The following PLXNA1 variants were observed in gnomAD, a reference collection of about 807,000 sequenced individuals.
PLXNA1 encodes the protein plexin A1.
PLXNA1 carries 77 observed loss-of-function variants against 191.7 expected under a neutral mutation model. That is an observed-to-expected ratio of 0.40 (90% confidence interval 0.33 to 0.49). The LOEUF (loss-of-function observed/expected upper bound fraction) is 0.49, where lower values mean the gene tolerates loss of function less well. Ranked by LOEUF, PLXNA1 falls within the 20% of genes least tolerant of loss-of-function variation. The pLI, the probability that PLXNA1 is intolerant of heterozygous loss-of-function variation, is 0.63. For missense variants in PLXNA1, 2,110 were observed against 2,660.2 expected, an observed-to-expected ratio of 0.79 and a Z score of 4.55; for synonymous variants, 1,137 against 1,156.4, an observed-to-expected ratio of 0.98 and a Z score of 0.34.
At chr3:127,025,872 A>C (rs745564747) in intron 23 of PLXNA1, among the ~76,000 whole-genome samples, 32 of 152,266 alleles carry the variant, frequency 2.1e-4, no homozygotes, top group Non-Finnish European at 4.1e-4. Flanking sequence ...CTTTGAGAAC[A>C]CAAACTCTTT....
At chr3:127,033,712 G>A (rs1255356938) in intron 31 of PLXNA1, among the ~76,000 whole-genome samples, 1 of 152,142 alleles carries the variant, frequency 6.6e-6, no homozygotes, top group Non-Finnish European at 1.5e-5. Context: ...AGAGCCTGCT[G>A]TTTTAGGGGG....
chr3:127,018,254 A>G, intron 19 of PLXNA1, 40 bp from the exon 20 acceptor site: 1 of 1,523,322 alleles, frequency 6.6e-7, no homozygotes, highest in Non-Finnish European at 8.9e-7. Flanking sequence ...GCTTTGTGGA[A>G]AGCATGGGAA....
In PLXNA1 at chr3:127,029,914, C is replaced by G. The variant is rs1456183752; in HGVS notation, c.4911C>G (p.Arg1637=). ...LRTASSPDSL[R]SRTPMITPDL... is the part of the protein sequence containing the mutation. The stretch of plus-strand genomic sequence containing the variant: ...CGGCCAGCAGCCCCGACAGCCTGCG[C>G]TCGCGCACGCCCATGATCACGCCCG... Residue 1637 remains arginine (R), a synonymous_variant, in exon 28 of 32, where the codon CGC becomes CGG. Transcript: ENST00000393409. 1 of 1,613,034 alleles carries G rather than the reference C, an allele frequency of 6.2e-7. No individual in the cohort carries two copies. Among genetic ancestry groups the G allele is most frequent in the Admixed American group, 1.7e-5 (1 of 60,006 alleles).
Position 127,027,846 on chromosome 3 carries a change from C to G in PLXNA1, c.4363-94C>G, listed in dbSNP as rs575651284. The G allele has an allele frequency of 5.2e-6, 8 of 1,545,134 alleles. No individual in the cohort carries two copies. The African/African-American group carries it at 9.5e-5, about 18-fold the overall frequency. ...GGAAGTGCTGCTCATTTCTCCTTGC[C>G]AGGAACACCATGGCTGGCACTCGAC... On this transcript the variant is annotated intron_variant, in intron 23 of 31. Transcript: ENST00000393409.
chr3:126,991,721 G>C (rs967154241), intron 3 of PLXNA1, among the ~76,000 whole-genome samples, 155 bp downstream of exon 3: 3 of 152,156 alleles, frequency 2.0e-5, no homozygotes, highest in African/African-American at 7.2e-5. Flanking sequence ...ACTAGGCCCA[G>C]TGACCTTGAA....
At chr3:126,996,788 A>G (rs981416108) in intron 3 of PLXNA1, among the ~76,000 whole-genome samples, 6 of 152,182 alleles carry the variant, frequency 3.9e-5, no homozygotes, top group Admixed American at 3.3e-4. Context: ...TCCCAGGTAC[A>G]GCCTGTGCTG....
At position 126,991,460 on chromosome 3, in the gene PLXNA1, C is replaced by T. The variant is rs539036594; in HGVS notation, c.1271C>T (p.Thr424Met). 47 of 1,612,790 alleles carry T rather than the reference C, an allele frequency of 2.9e-5. 1 individual carries two copies. In the African/African-American group the frequency reaches 4.3e-4, roughly 15 times the overall value. The change falls in exon 3 of 32, where the codon ACG (threonine) becomes ATG (methionine). Residue 424 changes from threonine (T) to methionine (M), a missense_variant. Physicochemically the swap from Thr to Met is moderately conservative, Grantham distance 81. Around this residue, in one of 4 missense-constraint regions of PLXNA1, gnomAD observed 903 missense variants for 1,015.7 expected, o/e 0.89. Transcript: ENST00000393409. Reference sequence around the variant, plus strand: ...GGGGGCACAGTCACCATTGAGGGGACGCCCCTGTTCGTGGACAAGGATGAT... The same window carrying T: ...GGGGGCACAGTCACCATTGAGGGGATGCCCCTGTTCGTGGACAAGGATGAT... Reference protein sequence around the residue: ...PLGGTVTIEGTPLFVDKDDGL... With the variant: ...PLGGTVTIEGMPLFVDKDDGL...
At chr3:127,025,163 C>T (rs377146345) in intron 23 of PLXNA1, among the ~76,000 whole-genome samples, 30 of 152,096 alleles carry the variant, frequency 2.0e-4, no homozygotes, top group East Asian at 1.5e-3. Flanking sequence ...GCCATGTATC[C>T]ACCGTTATAG....
At position 127,005,222 on chromosome 3, in the gene PLXNA1, G is replaced by A. The variant is rs1330169639; in HGVS notation, c.1876G>A (p.Ala626Thr). 1.2e-6 allele frequency: 2 copies of A among 1,610,196 alleles called. No homozygotes were observed. The highest frequency in any genetic ancestry group is 2.7e-5 in the African/African-American group (2 of 74,900). The change falls in exon 7 of 32, where the codon GCG becomes ACG. Residue 626 changes from alanine to threonine, a missense_variant. Around this residue, in one of 4 missense-constraint regions of PLXNA1, gnomAD observed 903 missense variants for 1,015.7 expected, o/e 0.89. Coordinates refer to ENST00000393409, the MANE Select transcript of PLXNA1 (RefSeq NM_032242.4). ...CCGCTCACCCTCCGCCCGGGAGGTG[G>A]CGCCCATCACGCGGGGCCAGGGTGA... ...HCRSPSAREV[A>T]PITRGQGDQR...
intron 23 of PLXNA1, 57 bp from the exon 24 acceptor site, chr3:127,027,883 C>A: frequency 6.2e-7 from 1 of 1,607,242 alleles, no homozygotes. Context: ...GGTGGAGGGG[C>A]AGGTTGGGGG....
intron 23 of PLXNA1, chr3:127,027,655 C>T (rs140371089): frequency 1.6e-5 from 9 of 572,790 alleles, no homozygotes; most frequent in Non-Finnish European, 2.3e-5. Context: ...GCAGGTCCCG[C>T]GTGCCACGCC....
chr3:126,993,607 G>T (rs1023254435), intron 3 of PLXNA1, among the ~76,000 whole-genome samples: 1 of 152,140 alleles, frequency 6.6e-6, no homozygotes, highest in Non-Finnish European at 1.5e-5. Context: ...CCTGGGTACC[G>T]CCTCCCTCCA....
chr3:127,004,537 A>G (rs2107627107), intron 4 of PLXNA1, 74 bp from the exon 5 acceptor site: 1 of 997,136 alleles, frequency 1.0e-6, no homozygotes, highest in Non-Finnish European at 1.6e-6. Context: ...AGAGCAGAGT[A>G]GGGAGTCAGA....
chr3:127,014,210 CGA>C lies in PLXNA1; in HGVS notation c.2443_2444del (p.Ser815LeufsTer108). On this transcript the variant is annotated frameshift_variant, in exon 12 of 32. Coordinates refer to ENST00000393409, the MANE Select transcript of PLXNA1 (RefSeq NM_032242.4). LOFTEE classifies it high-confidence loss of function. ...AHLYKCPALR[E>X]SCGLCLKADP... ...ACCTCTACAAGTGCCCGGCCCTGCGCGAGAGCTGCGGCCTCTGCCTCAAGGCC... is the reference window on the plus strand; with the variant it reads ...ACCTCTACAAGTGCCCGGCCCTGCGCGAGCTGCGGCCTCTGCCTCAAGGCC... 6.2e-7 allele frequency: 1 copy of C among 1,607,796 alleles called. No individual in the cohort carries two copies. The highest frequency in any genetic ancestry group is 8.5e-7 in the Non-Finnish European group (1 of 1,176,656).
chr3:127,027,700 A>G, intron 23 of PLXNA1: 2 of 675,724 alleles, frequency 3.0e-6, no homozygotes, highest in Middle Eastern at 2.4e-4. Flanking sequence ...CTCCTGGCTC[A>G]TGTGTAATTT....
chr3:126,989,590 G>A lies in PLXNA1; in HGVS notation c.997G>A (p.Asp333Asn). The change falls in exon 2 of 32, where the codon GAC becomes AAC. Residue 333 changes from aspartate (D) to asparagine (N), a missense_variant. Asp to Asn is a conservative substitution (Grantham distance 23). Coordinates refer to ENST00000393409, the MANE Select transcript of PLXNA1 (RefSeq NM_032242.4). ...GGCCCACCAGCTGGGCCTGGCTGAG[G>A]ACGAGGACGTGCTGTTCACTGTGTT... ...ALAHQLGLAE[D>N]EDVLFTVFAQ... 1 of 1,613,254 alleles carries A rather than the reference G, an allele frequency of 6.2e-7. No individual in the cohort carries two copies. The highest frequency in any genetic ancestry group is 8.5e-7 in the Non-Finnish European group (1 of 1,180,030).
In PLXNA1 at chr3:126,988,692, A is replaced by G; in HGVS notation, c.99A>G (p.Ala33=). ...GGGCTGAGGCAGGCTTGCCCAGGGC[A>G]GGCGGGGGTTCACAGCCCCCCTTCC... ...GMWAEAGLPR[A]GGGSQPPFRT... Residue 33 remains alanine (A), a synonymous_variant, in exon 2 of 32, where the codon GCA becomes GCG. Coordinates refer to ENST00000393409, the MANE Select transcript of PLXNA1 (RefSeq NM_032242.4). 15 of 1,574,184 alleles carry G rather than the reference A, an allele frequency of 9.5e-6. No individual in the cohort carries two copies. Among genetic ancestry groups the G allele is most frequent in the Non-Finnish European group, 1.3e-5 (15 of 1,158,394 alleles).
chr3:127,015,082 T>G (rs1322755600), intron 14 of PLXNA1, 102 bp from the exon 15 acceptor site: 1 of 1,491,764 alleles, frequency 6.7e-7, no homozygotes, highest in Non-Finnish European at 9.0e-7. Context: ...GCTCCTAGTC[T>G]GGGGAACTGT....
At position 127,028,077 on chromosome 3, in the gene PLXNA1, C is replaced by T; in HGVS notation, c.4500C>T (p.Tyr1500=). ...AGCTCATCCGGCAGCAGATTGACTACAAGACACTGGTGAGCGTGGCTGCCC... is the reference window on the plus strand; with the variant it reads ...AGCTCATCCGGCAGCAGATTGACTATAAGACACTGGTGAGCGTGGCTGCCC... ...EDKLIRQQID[Y]KTLTLNCVNP... Residue 1500 remains tyrosine (Y), a synonymous_variant, in exon 24 of 32, where the codon TAC becomes TAT. Coordinates refer to ENST00000393409, the MANE Select transcript of PLXNA1 (RefSeq NM_032242.4). The T allele has an allele frequency of 6.2e-7, 1 of 1,614,042 alleles. No individual in the cohort carries two copies. The highest frequency in any genetic ancestry group is 1.3e-5 in the African/African-American group (1 of 75,062).
Sources: gnomAD v4.1 joint callset for allele counts (sites outside exome capture counted in the v4.1 genomes callset) on GRCh38, gnomAD v4.1.1 for gene constraint, gnomAD v4.1.1 regional missense constraint, MANE v1.5 for transcripts, NCBI Gene and HGNC (gene_info 2026-07-23, HGNC 2026-07-21) for gene names.